The following RTN4 variants were observed in gnomAD, a reference collection of about 807,000 sequenced individuals.
RTN4 encodes reticulon 4.
Under a neutral mutation model 90.4 loss-of-function variants are expected in RTN4, and 32 were observed. The ratio of observed to expected loss-of-function variants is 0.35; its 90% confidence interval spans 0.27 to 0.48. RTN4 has a LOEUF of 0.48. RTN4 is among the 20% of genes least tolerant of loss of function. RTN4 has a pLI of 0.99. For missense variants in RTN4, 1,706 were observed against 1,430.2 expected (o/e 1.19, Z -3.11); for synonymous variants, 629 against 552.5 (o/e 1.14, Z -1.94).
At chr2:54,996,163 CAT>C (rs1679411308) in intron 3 of RTN4, among the ~76,000 whole-genome samples, 2 of 152,062 alleles carry the variant, frequency 1.3e-5, no homozygotes, top group South Asian at 4.1e-4. Flanking sequence ...AATTTCAAGA[CAT>C]ATGAACTATA....
intron 1 of RTN4, among the ~76,000 whole-genome samples, chr2:55,106,676 T>C (rs1302569845): frequency 6.6e-6 from 1 of 151,990 alleles, no homozygotes; most frequent in Non-Finnish European, 1.5e-5. Flanking sequence ...TGCACCACCA[T>C]GCCCGGCTAA....
intron 3 of RTN4, among the ~76,000 whole-genome samples, chr2:55,018,233 A>G (rs376032891): frequency 6.6e-6 from 1 of 152,174 alleles, no homozygotes; most frequent in East Asian, 1.9e-4. Flanking sequence ...ATGTTCCATA[A>G]ATGATAGTCT....
At chr2:55,028,085 C>G (rs2104877559) in intron 2 of RTN4, 79 bp downstream of exon 2, 5 of 1,225,718 alleles carry the variant, frequency 4.1e-6, no homozygotes, top group Non-Finnish European at 5.6e-6. Context: ...TAAACCCAAA[C>G]TACTCTGCAT....
chr2:55,049,495 G>A (rs914924446), intron 1 of RTN4: 2 of 582,400 alleles, frequency 3.4e-6, no homozygotes, highest in African/African-American at 1.9e-5. Flanking sequence ...CACACAGGGT[G>A]AAAGTGGGAG....
Position 54,987,527 on chromosome 2 carries a change from T to G in RTN4, c.3185A>C (p.Gln1062Pro). Residue 1062 changes from glutamine (Q) to proline (P), a missense_variant, in exon 4 of 9, where the codon CAA (glutamine) becomes CCA (proline). Physicochemically the swap from Gln to Pro is moderately conservative, Grantham distance 76 (BLOSUM62 -1). Transcript: ENST00000337526. ...ISFRIYKGVI[Q>P]AIQKSDEGHP... The stretch of plus-strand genomic sequence containing the variant: ...GCCTTCATCTGATTTCTGGATAGCT[T>G]GGATCACACCCTTGTATATCCTAAA... 6.2e-7 allele frequency: 1 copy of G among 1,614,178 alleles called. No homozygotes were observed. Among genetic ancestry groups the G allele is most frequent in the East Asian group, 2.2e-5 (1 of 44,884 alleles).
At chr2:55,090,948 C>G (rs1668924664) in intron 1 of RTN4, among the ~76,000 whole-genome samples, 1 of 152,188 alleles carries the variant, frequency 6.6e-6, no homozygotes, top group Non-Finnish European at 1.5e-5. Flanking sequence ...TCAGTCCCTC[C>G]TCCAAGACAC....
intron 1 of RTN4, among the ~76,000 whole-genome samples, chr2:55,036,315 C>A (rs1382420450): frequency 6.6e-6 from 1 of 151,878 alleles, no homozygotes; most frequent in Non-Finnish European, 1.5e-5. Flanking sequence ...CAAAATCAAA[C>A]AATAGGTCGC....
At position 54,972,433 on chromosome 2, in the gene RTN4, T is replaced by A. The variant is rs1677126454; in HGVS notation, c.*723A>T. The A allele has an allele frequency of 6.5e-6, 1 of 152,688 alleles. No individual in the cohort carries two copies. The allele number at this position is 152,688 out of a possible 1,614,324, so 9.5% of individuals were successfully genotyped here. On this transcript the variant is annotated 3_prime_UTR_variant, in exon 9 of 9. Transcript: ENST00000337526. Reference sequence around the variant, plus strand: ...TGCAATGAAATTGATGTTGGAGTTCTATGTGTGTGGCATTTCATGTTGAAA... The same window carrying A: ...TGCAATGAAATTGATGTTGGAGTTCAATGTGTGTGGCATTTCATGTTGAAA...
At position 54,972,548 on chromosome 2, in the gene RTN4, T is replaced by TCAAG. The variant is rs1677146429; in HGVS notation, c.*604_*607dup. ...ATAACCAATGACTGACTCTGAAATA[T>TCAAG]CAAGCACTGTGGGGTGGCTGGAAGG... On this transcript the variant is annotated 3_prime_UTR_variant, in exon 9 of 9. Transcript: ENST00000337526. 6.6e-6 allele frequency: 1 copy of TCAAG among 152,654 alleles called. No homozygotes were observed. Among genetic ancestry groups the TCAAG allele is most frequent in the East Asian group, 1.9e-4 (1 of 5,194 alleles). 9.5% of individuals were successfully genotyped at this position (152,654 alleles called of 1,614,324 possible). A position where few individuals can be genotyped will look rare whatever the true frequency, so the allele number is the denominator to read the frequency against.
the RTN4 span, among the ~76,000 whole-genome samples, chr2:55,126,879 C>T: frequency 1.3e-5 from 2 of 152,166 alleles, no homozygotes; most frequent in African/African-American, 2.4e-5. Flanking sequence ...TTTGCAGCAA[C>T]ATGGATGCAG....
chr2:54,983,321 T>TAATA (rs142672156), intron 4 of RTN4, among the ~76,000 whole-genome samples: 25,525 of 148,100 alleles, frequency 0.17, 2,387 homozygotes, highest in South Asian at 0.37. Context: ...ATTGTATTGG[T>TAATA]AATAAATAAA....
chr2:55,128,324 C>A, the RTN4 span, among the ~76,000 whole-genome samples: 1 of 152,074 alleles, frequency 6.6e-6, no homozygotes, highest in Non-Finnish European at 1.5e-5. Flanking sequence ...TTTTTGCACC[C>A]TCCTAGGGTG....
At chr2:55,019,160 G>A (rs990482574) in intron 3 of RTN4, among the ~76,000 whole-genome samples, 8 of 151,910 alleles carry the variant, frequency 5.3e-5, no homozygotes, top group Admixed American at 1.3e-4. Flanking sequence ...GGAAATTCAC[G>A]GATCCATACT....
chr2:55,066,621 G>A (rs937181367), intron 2 of RTN4, among the ~76,000 whole-genome samples: 5 of 152,012 alleles, frequency 3.3e-5, no homozygotes, highest in African/African-American at 1.2e-4. Flanking sequence ...TTGAACCCGG[G>A]AAGCGGAGGT....
chr2:55,048,766 TTC>T lies in RTN4; in HGVS notation c.556+977_556+978del, dbSNP rs201537089. ...TATGAAAATGTCTGTCTCAAAACATTTCTCTGTGTCTCATGGTAAATCTGCCA... is the reference window on the plus strand; with the variant it reads ...TATGAAAATGTCTGTCTCAAAACATTTCTGTGTCTCATGGTAAATCTGCCA... On this transcript the variant is annotated intron_variant, in intron 1 of 8. Coordinates refer to ENST00000337526, the MANE Select transcript of RTN4 (RefSeq NM_020532.5). Among the ~76,000 whole-genome samples, 165 of 152,330 alleles carry T rather than the reference TTC, an allele frequency of 1.1e-3. 3 individuals are homozygous for T. In the East Asian group the frequency reaches 0.029, roughly 27 times the overall value.
At chr2:55,028,123 T>C (rs1290516647) in intron 2 of RTN4, 41 bp downstream of exon 2, 1 of 1,568,586 alleles carries the variant, frequency 6.4e-7, no homozygotes, top group Non-Finnish European at 8.7e-7. Context: ...GAGTTAAAGT[T>C]AGAATACAGA....
chr2:55,098,946 C>T (rs1410377852), intron 1 of RTN4, among the ~76,000 whole-genome samples: 1 of 152,104 alleles, frequency 6.6e-6, no homozygotes, highest in Non-Finnish European at 1.5e-5. Flanking sequence ...GCCTTTTTGG[C>T]AAGACTTCTT....
chr2:55,005,867 T>C (rs978631264), intron 3 of RTN4, among the ~76,000 whole-genome samples: 2 of 152,164 alleles, frequency 1.3e-5, no homozygotes, highest in South Asian at 4.1e-4. Flanking sequence ...GAAACAAAGA[T>C]TGTGTTAAGT....
At chr2:54,987,749 G>A in intron 3 of RTN4, 51 bp from the exon 4 acceptor site, 1 of 1,467,176 alleles carries the variant, frequency 6.8e-7, no homozygotes, top group East Asian at 2.5e-5. Flanking sequence ...TATCAATTTG[G>A]ATTTGCTCCA....
Sources: allele counts gnomAD v4.1 joint callset (sites outside exome capture counted in the v4.1 genomes callset), GRCh38; gene constraint gnomAD v4.1.1; transcripts MANE v1.5; gene names NCBI Gene and HGNC (gene_info 2026-07-23, HGNC 2026-07-21).